Variants in RORA observed in about 807,000 individuals in gnomAD.
RORA encodes the protein nuclear receptor ROR-alpha.
RORA carries 7 observed loss-of-function variants against 69.5 expected under a neutral mutation model. That is an observed-to-expected ratio of 0.10 (90% CI 0.06 to 0.19). RORA has a LOEUF of 0.19. Ranked by LOEUF, RORA falls within the 10% of genes least tolerant of loss-of-function variation. RORA has a pLI of 1.00. For synonymous variants in RORA, 261 were observed against 240.8 expected (o/e 1.08, Z -0.78); for missense variants, 457 against 663.0 (o/e 0.69, Z 3.41).
intron 1 of RORA, among the ~76,000 whole-genome samples, chr15:60,857,920 G>T (rs1179840942): frequency 6.6e-6 from 1 of 152,174 alleles, no homozygotes; most frequent in Non-Finnish European, 1.5e-5. Flanking sequence ...TGAACTGAAG[G>T]GCTGAGGATG....
chr15:60,806,260 C>T (rs1213320779), intron 1 of RORA, among the ~76,000 whole-genome samples: 1 of 152,206 alleles, frequency 6.6e-6, no homozygotes, highest in African/African-American at 2.4e-5. Flanking sequence ...AAAATACATA[C>T]TCTAGCAGCT....
In RORA at chr15:60,608,543, C is replaced by T. The variant is rs149630907; in HGVS notation, c.196+70114G>A. Reference sequence around the variant, plus strand: ...CTGACTCCCACTCTAGTGCTCACTACATGTTGCAAGATGCTAAGTATTGAA... The same window carrying T: ...CTGACTCCCACTCTAGTGCTCACTATATGTTGCAAGATGCTAAGTATTGAA... On this transcript the variant is annotated intron_variant, in intron 2 of 10. Coordinates refer to ENST00000335670, the MANE Select transcript of RORA (RefSeq NM_134261.3). 2.6e-5 allele frequency among the ~76,000 whole-genome samples: 4 copies of T among 152,306 alleles called. No homozygotes were observed. The East Asian group carries it at 5.8e-4, about 22-fold the overall frequency.
intron 2 of RORA, among the ~76,000 whole-genome samples, chr15:60,674,328 T>G (rs886707058): frequency 6.6e-6 from 1 of 152,126 alleles, no homozygotes; most frequent in African/African-American, 2.4e-5. Flanking sequence ...GTTATTCTAG[T>G]TTTTGGATCT....
At chr15:60,858,853 T>G (rs1026956943) in intron 1 of RORA, among the ~76,000 whole-genome samples, 76 of 152,130 alleles carry the variant, frequency 5.0e-4, no homozygotes, top group African/African-American at 1.6e-3. Flanking sequence ...CTCAGCTTGG[T>G]GCTTCTCCCG....
In RORA at chr15:60,905,846, G is replaced by A. The variant is rs1359624076; in HGVS notation, c.167-227160C>T. Among the ~76,000 whole-genome samples the A allele has an allele frequency of 3.9e-5, 6 of 152,144 alleles. No homozygotes were observed. Among genetic ancestry groups the A allele is most frequent in the Admixed American group, 3.9e-4 (6 of 15,268 alleles). ...TTTCCTTGCTACTGAAAGAAATGGT[G>A]CTGAATTCACCTTGTTCTTCCACCC... On this transcript the variant is annotated intron_variant, in intron 1 of 10. Coordinates refer to ENST00000335670, the MANE Select transcript of RORA (RefSeq NM_134261.3). The surrounding 1 kb of genome is among the most constrained non-coding windows in gnomAD (Gnocchi z 4.8).
At chr15:60,891,847 T>C (rs1466457858) in intron 1 of RORA, among the ~76,000 whole-genome samples, 2 of 152,242 alleles carry the variant, frequency 1.3e-5, no homozygotes, top group Non-Finnish European at 2.9e-5. Flanking sequence ...TATCTCATTT[T>C]CCAAGATTTA....
At chr15:60,785,599 C>T (rs1212756541) in intron 1 of RORA, among the ~76,000 whole-genome samples, 3 of 152,232 alleles carry the variant, frequency 2.0e-5, no homozygotes, top group African/African-American at 7.2e-5. Context: ...GTCTGTCCCT[C>T]CAGCTAGCTA....
At chr15:61,085,509 A>G (rs150101058) in intron 1 of RORA, among the ~76,000 whole-genome samples, 229 of 152,350 alleles carry the variant, frequency 1.5e-3, no homozygotes, top group African/African-American at 5.0e-3. Context: ...GGCCCGCCTG[A>G]AAAGGTTTTA....
At chr15:61,149,451 T>A (rs2079379214) in intron 1 of RORA, among the ~76,000 whole-genome samples, 1 of 142,438 alleles carries the variant, frequency 7.0e-6, no homozygotes, top group Non-Finnish European at 1.6e-5. Flanking sequence ...GAAAAGAAGT[T>A]ACTTCAGCGG....
intron 1 of RORA, among the ~76,000 whole-genome samples, chr15:60,736,467 T>A (rs2071501590): frequency 6.6e-6 from 1 of 152,198 alleles, no homozygotes; most frequent in Non-Finnish European, 1.5e-5. Flanking sequence ...AGCATTCGGT[T>A]TAAGACTTTT....
chr15:61,207,705 T>G (rs2079955030), intron 1 of RORA, among the ~76,000 whole-genome samples: 1 of 152,206 alleles, frequency 6.6e-6, no homozygotes, highest in South Asian at 2.1e-4. Context: ...TTCATGATAA[T>G]TCTGATGACT....
At chr15:61,104,967 C>T (rs993341844) in intron 1 of RORA, among the ~76,000 whole-genome samples, 1 of 151,488 alleles carries the variant, frequency 6.6e-6, no homozygotes, top group African/African-American at 2.4e-5. Flanking sequence ...TAAGATGTGC[C>T]TTTCGTTTTC....
chr15:61,229,004 G>C (rs1024863236), intron 1 of RORA, 49 bp downstream of exon 1: 3 of 1,116,338 alleles, frequency 2.7e-6, no homozygotes, highest in Non-Finnish European at 3.4e-6. Flanking sequence ...CCCCCGCTCC[G>C]CGCCCGGGCT....
intron 1 of RORA, among the ~76,000 whole-genome samples, chr15:61,026,357 G>A (rs1247759947): frequency 3.9e-5 from 6 of 152,142 alleles, no homozygotes; most frequent in Admixed American, 3.9e-4. Flanking sequence ...TGCTATTTTG[G>A]GATGTATTTT....
chr15:60,943,344 C>T (rs965094659), intron 1 of RORA, among the ~76,000 whole-genome samples: 5 of 151,220 alleles, frequency 3.3e-5, no homozygotes, highest in Admixed American at 6.6e-5. Context: ...AGCTTAGGAA[C>T]GTCAATTCTG....
At chr15:60,740,112 C>CT (rs1343180895) in intron 1 of RORA, among the ~76,000 whole-genome samples, 1 of 151,792 alleles carries the variant, frequency 6.6e-6, no homozygotes, top group African/African-American at 2.4e-5. Flanking sequence ...TTATCACTCC[C>CT]TTTTTTTTAG....
chr15:60,501,742 T>C (rs1345284827), intron 8 of RORA, among the ~76,000 whole-genome samples: 2 of 152,230 alleles, frequency 1.3e-5, no homozygotes, highest in African/African-American at 4.8e-5. Flanking sequence ...AAACACAGAA[T>C]GTGAAAGTCC....
intron 1 of RORA, among the ~76,000 whole-genome samples, chr15:61,060,292 G>A (rs932712120): frequency 3.9e-5 from 6 of 152,068 alleles, no homozygotes; most frequent in Non-Finnish European, 8.8e-5. Context: ...CATGTCCCTG[G>A]TACTTGGACA....
chr15:60,515,353 C>T (rs1255404116), intron 3 of RORA, among the ~76,000 whole-genome samples: 3 of 152,172 alleles, frequency 2.0e-5, no homozygotes, highest in African/African-American at 7.2e-5. Context: ...ATTCCCTCAT[C>T]CCTGGCAGTT....
Sources: allele counts gnomAD v4.1 joint callset (sites outside exome capture counted in the v4.1 genomes callset), GRCh38; gene constraint gnomAD v4.1.1; non-coding constraint Gnocchi (gnomAD v3.1); transcripts MANE v1.5; gene names NCBI Gene and HGNC (gene_info 2026-07-23, HGNC 2026-07-21).